PARD3: variants seen among roughly 807,000 people sequenced by gnomAD.
PARD3 encodes the protein partitioning defective 3 homolog.
In PARD3, 75 loss-of-function variants were observed where a neutral mutation model predicts 155.4. That is an observed-to-expected ratio of 0.48 (90% CI 0.40 to 0.58). The LOEUF is 0.58. Ranked by LOEUF, PARD3 falls within the 20% of genes least tolerant of loss-of-function variation. The pLI, the probability that PARD3 is intolerant of heterozygous loss-of-function variation, is 0.00. For missense variants in PARD3, 1,642 were observed against 1,721.7 expected (o/e 0.95, Z 0.82); for synonymous variants, 576 against 610.5 (o/e 0.94, Z 0.83).
At chr10:34,718,643 G>A (rs755799802) in intron 1 of PARD3, among the ~76,000 whole-genome samples, 7 of 151,382 alleles carry the variant, frequency 4.6e-5, no homozygotes, top group African/African-American at 7.3e-5. Flanking sequence ...TGGGCAACAC[G>A]ACAAGACTCT....
chr10:34,627,891 G>T (rs1349266559), intron 2 of PARD3, among the ~76,000 whole-genome samples: 1 of 152,090 alleles, frequency 6.6e-6, no homozygotes, highest in South Asian at 2.1e-4. Context: ...AAGAAATGAT[G>T]GGCAGAGGTG....
intron 3 of PARD3, among the ~76,000 whole-genome samples, chr10:34,492,976 G>C (rs966954589): frequency 6.6e-6 from 1 of 152,194 alleles, no homozygotes; most frequent in East Asian, 1.9e-4. Context: ...TTCCAAGAAC[G>C]AAAGTGTTTA....
chr10:34,757,432 C>A (rs571829605), intron 1 of PARD3, among the ~76,000 whole-genome samples: 1 of 152,140 alleles, frequency 6.6e-6, no homozygotes, highest in African/African-American at 2.4e-5. Context: ...TGGCCGGGTG[C>A]GGTGGCTCAT....
intron 22 of PARD3, among the ~76,000 whole-genome samples, chr10:34,139,967 C>G (rs1948096774): frequency 6.6e-6 from 1 of 152,120 alleles, no homozygotes; most frequent in Non-Finnish European, 1.5e-5. Context: ...TAAAATATGC[C>G]TGATCTCTAG....
At chr10:34,252,416 T>A (rs1015026231) in intron 22 of PARD3, among the ~76,000 whole-genome samples, 1 of 152,158 alleles carries the variant, frequency 6.6e-6, no homozygotes, top group Non-Finnish European at 1.5e-5. Flanking sequence ...CCTTCCCCGT[T>A]GCTCTCCTTG....
chr10:34,423,703 G>A (rs2075439299), intron 5 of PARD3, among the ~76,000 whole-genome samples: 1 of 151,888 alleles, frequency 6.6e-6, no homozygotes, highest in South Asian at 2.1e-4. Flanking sequence ...ATACACAACT[G>A]AATTTGGGCA....
At chr10:34,603,569 A>T (rs937321366) in intron 2 of PARD3, among the ~76,000 whole-genome samples, 4 of 152,216 alleles carry the variant, frequency 2.6e-5, no homozygotes. Flanking sequence ...TTCCAAGTCA[A>T]TCAGAGTTCA....
At chr10:34,491,839 A>G (rs2079929263) in intron 3 of PARD3, among the ~76,000 whole-genome samples, 1 of 152,224 alleles carries the variant, frequency 6.6e-6, no homozygotes, top group African/African-American at 2.4e-5. Context: ...CTGTCAGACA[A>G]CCAGGCAAAC....
intron 2 of PARD3, among the ~76,000 whole-genome samples, chr10:34,532,497 C>G (rs146531769): frequency 4.0e-4 from 61 of 152,192 alleles, no homozygotes; most frequent in African/African-American, 1.4e-3. Context: ...CATGTGCCCG[C>G]TATGTGCCAC....
At chr10:34,769,553 C>T (rs1391968083) in intron 1 of PARD3, among the ~76,000 whole-genome samples, 2 of 151,718 alleles carry the variant, frequency 1.3e-5, no homozygotes, top group Non-Finnish European at 2.9e-5. Flanking sequence ...TCCAGGAGTC[C>T]GACACCAGCT....
intron 11 of PARD3, among the ~76,000 whole-genome samples, chr10:34,372,856 C>T (rs564240536): frequency 2.7e-4 from 41 of 152,128 alleles, no homozygotes; most frequent in Admixed American, 1.5e-3. Flanking sequence ...TCTAATTTTG[C>T]TTTAAAATTT....
At chr10:34,490,637 T>C (rs1246099727) in intron 3 of PARD3, among the ~76,000 whole-genome samples, 2 of 152,190 alleles carry the variant, frequency 1.3e-5, no homozygotes, top group Admixed American at 6.5e-5. Flanking sequence ...GTCTTCCCAG[T>C]CAAATGTTTA....
chr10:34,795,971 T>C (rs965062383), intron 1 of PARD3, among the ~76,000 whole-genome samples: 3 of 152,152 alleles, frequency 2.0e-5, no homozygotes, highest in East Asian at 1.9e-4. Flanking sequence ...GTGGGATGAA[T>C]TGACACATAG....
intron 22 of PARD3, among the ~76,000 whole-genome samples, chr10:34,228,697 G>A (rs1203644431): frequency 6.6e-6 from 1 of 152,038 alleles, no homozygotes; most frequent in Non-Finnish European, 1.5e-5. Flanking sequence ...GGATGAAAAT[G>A]GCAGAGGAAG....
At chr10:34,172,217 G>A (rs1949830362) in intron 22 of PARD3, among the ~76,000 whole-genome samples, 1 of 152,062 alleles carries the variant, frequency 6.6e-6, no homozygotes. Flanking sequence ...GATATAAAAG[G>A]GAAAATAGTG....
intron 2 of PARD3, among the ~76,000 whole-genome samples, chr10:34,674,984 C>A (rs1397188965): frequency 6.6e-6 from 1 of 152,186 alleles, no homozygotes; most frequent in African/African-American, 2.4e-5. Flanking sequence ...TATTATAAAT[C>A]TCTAGATTGC....
rs57615675 is a variant in PARD3 at position 34,389,239 on chromosome 10, T to TAAAAAAAAAAAAAAA, written c.891-5000_891-4986dup. Among the ~76,000 whole-genome samples the TAAAAAAAAAAAAAAA allele has an allele frequency of 1.5e-4, 10 of 65,852 alleles. 2 individuals are homozygous for TAAAAAAAAAAAAAAA. The highest frequency in any genetic ancestry group is 6.5e-4 in the African/African-American group (9 of 13,802). The allele number at this position is 65,852 out of a possible 152,430, so 43.2% of individuals were successfully genotyped here. ...GACTTCGTTTTTGAACAATGTTTCT[T>TAAAAAAAAAAAAAAA]AAAAAAAAAAAAAAAAAAAAAAAAA... is the stretch of plus-strand genomic sequence containing the variant. On this transcript the variant is annotated intron_variant, in intron 7 of 24. Coordinates refer to ENST00000374788, the MANE Select transcript of PARD3 (RefSeq NM_001184785.2).
intron 3 of PARD3, among the ~76,000 whole-genome samples, chr10:34,491,865 C>T (rs919886227): frequency 2.0e-5 from 3 of 152,066 alleles, no homozygotes; most frequent in African/African-American, 4.8e-5. Flanking sequence ...TCAACCCAGT[C>T]GTGGTTTCCT....
intron 2 of PARD3, among the ~76,000 whole-genome samples, chr10:34,563,609 C>T (rs944749712): frequency 1.4e-4 from 21 of 151,334 alleles, no homozygotes; most frequent in African/African-American, 4.9e-4. Flanking sequence ...TGGCTCAGTG[C>T]AACCTCTGTC....
Sources: allele counts gnomAD v4.1 joint callset (sites outside exome capture counted in the v4.1 genomes callset), GRCh38; gene constraint gnomAD v4.1.1; transcripts MANE v1.5; gene names NCBI Gene and HGNC (gene_info 2026-07-23, HGNC 2026-07-21).